DGKB: variants seen among roughly 807,000 people sequenced by gnomAD.
DGKB encodes the protein diacylglycerol kinase beta.
DGKB carries 67 observed loss-of-function variants against 114.3 expected under a neutral mutation model. That is an observed-to-expected ratio of 0.59 (90% CI 0.48 to 0.72). The LOEUF is 0.72. DGKB is among the 30% of genes least tolerant of loss of function. The pLI is 0.00. For missense variants in DGKB, 907 were observed against 975.2 expected (o/e 0.93, Z 0.93); for synonymous variants, 398 against 323.1 (o/e 1.23, Z -2.49).
intron 1 of DGKB, among the ~76,000 whole-genome samples, chr7:14,884,731 A>G (rs1414677757): frequency 1.3e-5 from 2 of 152,024 alleles, no homozygotes; most frequent in African/African-American, 4.8e-5. Flanking sequence ...TTCATGTTTT[A>G]GAACATCCTA....
At chr7:14,731,763 G>C (rs991310152) in intron 5 of DGKB, among the ~76,000 whole-genome samples, 2 of 152,116 alleles carry the variant, frequency 1.3e-5, no homozygotes, top group African/African-American at 4.8e-5. Context: ...ATTAACAAAT[G>C]GTGGGCCCCA....
intron 14 of DGKB, 132 bp from the exon 15 acceptor site, chr7:14,621,626 T>C (rs1807674684): frequency 1.7e-6 from 1 of 591,200 alleles, no homozygotes; most frequent in Non-Finnish European, 3.0e-6. Context: ...AAGTTCCTAG[T>C]GAATAATATG....
chr7:14,328,419 T>C (rs1379452030), intron 23 of DGKB, among the ~76,000 whole-genome samples: 2 of 152,070 alleles, frequency 1.3e-5, no homozygotes, highest in Non-Finnish European at 2.9e-5. Flanking sequence ...TCAGTATTAA[T>C]AGTTAGCTTT....
chr7:14,780,581 C>T (rs1316498477), intron 2 of DGKB, among the ~76,000 whole-genome samples: 1 of 152,118 alleles, frequency 6.6e-6, no homozygotes, highest in Non-Finnish European at 1.5e-5. Flanking sequence ...AGTAGCTCAA[C>T]CCATGCTGTA....
intron 1 of DGKB, among the ~76,000 whole-genome samples, chr7:14,967,150 G>A (rs1787201823): frequency 6.6e-6 from 1 of 152,054 alleles, no homozygotes; most frequent in South Asian, 2.1e-4. Context: ...CTGGTTAGCT[G>A]CAGAATTTTT....
At chr7:14,865,683 T>C (rs1587007172) in intron 1 of DGKB, among the ~76,000 whole-genome samples, 1 of 152,290 alleles carries the variant, frequency 6.6e-6, no homozygotes, top group Non-Finnish European at 1.5e-5. Context: ...ACAGTGAGAA[T>C]GAGTAAATGC....
At position 14,285,030 on chromosome 7, in the gene DGKB, TAATA is replaced by T. The variant is rs1179593606; in HGVS notation, c.2122+53481_2122+53484del. Among the ~76,000 whole-genome samples the T allele has an allele frequency of 1.5e-4, 9 of 61,400 alleles. No individual in the cohort carries two copies. The East Asian group carries it at 2.4e-3, about 16-fold the overall frequency. The allele number at this position is 61,400 out of a possible 152,430, so 40.3% of individuals were successfully genotyped here. A position where few individuals can be genotyped will look rare whatever the true frequency, so the allele number is the denominator to read the frequency against. On this transcript the variant is annotated intron_variant, in intron 23 of 25. Coordinates refer to ENST00000402815, the MANE Select transcript of DGKB (RefSeq NM_001350709.2). ...GTATAATAATAAAAAAATAAAAAAATAATAAAAAAAAGAAATGTATTGGAAAATT... is the reference window on the plus strand; with the variant it reads ...GTATAATAATAAAAAAATAAAAAAATAAAAAAAGAAATGTATTGGAAAATT...
chr7:14,347,907 T>C (rs1429119043), intron 21 of DGKB, among the ~76,000 whole-genome samples: 3 of 152,040 alleles, frequency 2.0e-5, no homozygotes, highest in Non-Finnish European at 4.4e-5. Flanking sequence ...AATTTGTAAA[T>C]TATACCTTAA....
chr7:14,248,327 A>T, intron 23 of DGKB, among the ~76,000 whole-genome samples: 1 of 152,050 alleles, frequency 6.6e-6, no homozygotes, highest in African/African-American at 2.4e-5. Context: ...TGCTTTGGCT[A>T]TTTGGGGTCT....
At chr7:14,609,293 A>C (rs1563667248) in intron 16 of DGKB, among the ~76,000 whole-genome samples, 2 of 152,088 alleles carry the variant, frequency 1.3e-5, no homozygotes, top group Non-Finnish European at 2.9e-5. Context: ...CAATAGCGAA[A>C]GGACTTCCTA....
intron 21 of DGKB, among the ~76,000 whole-genome samples, chr7:14,351,372 T>C (rs1813396517): frequency 6.6e-6 from 1 of 152,192 alleles, no homozygotes; most frequent in South Asian, 2.1e-4. Flanking sequence ...AGAAAAGCAC[T>C]CCCAGAGTAG....
chr7:14,860,567 G>A (rs1489188805), intron 1 of DGKB, among the ~76,000 whole-genome samples: 4 of 151,890 alleles, frequency 2.6e-5, no homozygotes, highest in Admixed American at 1.3e-4. Flanking sequence ...TTCTGTTTTT[G>A]TCACCTCTTA....
intron 1 of DGKB, among the ~76,000 whole-genome samples, chr7:14,881,081 CAG>C (rs1337020519): frequency 6.6e-6 from 1 of 152,076 alleles, no homozygotes; most frequent in Non-Finnish European, 1.5e-5. Flanking sequence ...CAGTAATTTA[CAG>C]AGTTATGACA....
intron 21 of DGKB, among the ~76,000 whole-genome samples, chr7:14,386,802 A>G (rs2128696841): frequency 6.6e-6 from 1 of 152,308 alleles, no homozygotes; most frequent in South Asian, 2.1e-4. Context: ...TGGGTGGCAG[A>G]AGGACAAAAG....
At chr7:14,491,387 C>T (rs530158910) in intron 20 of DGKB, among the ~76,000 whole-genome samples, 4 of 152,112 alleles carry the variant, frequency 2.6e-5, no homozygotes, top group Non-Finnish European at 5.9e-5. Flanking sequence ...TTCCCAGGCA[C>T]GTGGAACTGT....
At chr7:14,917,058 G>T (rs377398677) in intron 1 of DGKB, among the ~76,000 whole-genome samples, 1 of 152,052 alleles carries the variant, frequency 6.6e-6, no homozygotes, top group South Asian at 2.1e-4. Context: ...TGTCTCCAAA[G>T]AAATTTTAAA....
intron 1 of DGKB, among the ~76,000 whole-genome samples, chr7:14,898,181 G>A (rs1172300773): frequency 6.6e-6 from 1 of 152,022 alleles, no homozygotes; most frequent in Non-Finnish European, 1.5e-5. Flanking sequence ...ATTATCAAAT[G>A]AAACACATTA....
chr7:14,326,735 C>T (rs1040276980), intron 23 of DGKB, among the ~76,000 whole-genome samples: 1 of 152,116 alleles, frequency 6.6e-6, no homozygotes, highest in Admixed American at 6.5e-5. Flanking sequence ...AAAACAAAAA[C>T]ACCCCTGAAC....
intron 23 of DGKB, among the ~76,000 whole-genome samples, chr7:14,260,069 T>C (rs1796526731): frequency 6.8e-6 from 1 of 146,860 alleles, no homozygotes; most frequent in South Asian, 2.2e-4. Context: ...AAAACACATA[T>C]ACATCCCTAC....
Sources: gnomAD v4.1 joint callset for allele counts (sites outside exome capture counted in the v4.1 genomes callset) on GRCh38, gnomAD v4.1.1 for gene constraint, MANE v1.5 for transcripts, NCBI Gene and HGNC (gene_info 2026-07-23, HGNC 2026-07-21) for gene names.